Variants in AOPEP observed in about 807,000 individuals in gnomAD.
The protein encoded by AOPEP is aminopeptidase O (putative).
A neutral mutation model predicts 98.1 loss-of-function variants in AOPEP; 77 were observed. The ratio of observed to expected loss-of-function variants is 0.78; its 90% CI spans 0.65 to 0.95. The LOEUF (loss-of-function observed/expected upper bound fraction) is 0.95. Ranked by LOEUF, AOPEP falls within the 40% of genes least tolerant of loss-of-function variation. AOPEP has a pLI of 0.00. For synonymous variants in AOPEP, 346 were observed against 365.3 expected (o/e 0.95, Z 0.60); for missense variants, 1,024 against 1,024.7 (o/e 1.00, Z 0.01).
chr9:95,048,581 A>G lies in AOPEP; in HGVS notation c.2116-12113A>G, dbSNP rs1028904007. ...CCCTCCGGCCGCGGCGGCCGGGACCAGAACAGCGCAGGCTCTCCGCCCACG... is the reference window on the plus strand; with the variant it reads ...CCCTCCGGCCGCGGCGGCCGGGACCGGAACAGCGCAGGCTCTCCGCCCACG... On this transcript the variant is annotated intron_variant, in intron 13 of 16. Transcript: ENST00000375315. Among the ~76,000 whole-genome samples, 29 of 152,220 alleles carry G rather than the reference A, an allele frequency of 1.9e-4. 1 individual carries two copies. In the East Asian group the frequency reaches 2.9e-3, roughly 15 times the overall value.
chr9:94,842,165 C>A (rs1053143245), intron 5 of AOPEP, among the ~76,000 whole-genome samples: 3 of 152,104 alleles, frequency 2.0e-5, no homozygotes, highest in Non-Finnish European at 2.9e-5. Context: ...AGTTCGAGAC[C>A]AGCCTGGTCA....
At chr9:94,905,149 G>T (rs1366959257) in intron 5 of AOPEP, among the ~76,000 whole-genome samples, 1 of 152,162 alleles carries the variant, frequency 6.6e-6, no homozygotes, top group Non-Finnish European at 1.5e-5. Context: ...AAAAGGGATG[G>T]CTTGTGTAGC....
chr9:94,831,085 G>A (rs575315370), intron 5 of AOPEP, among the ~76,000 whole-genome samples: 9 of 152,062 alleles, frequency 5.9e-5, no homozygotes, highest in Non-Finnish European at 1.3e-4. Context: ...TTTTGCTTTT[G>A]TTGCAATTGC....
intron 5 of AOPEP, among the ~76,000 whole-genome samples, chr9:94,831,182 T>C (rs916895400): frequency 2.0e-5 from 3 of 152,234 alleles, no homozygotes; most frequent in African/African-American, 7.2e-5. Context: ...TTTATAGTTT[T>C]GGGTTTTACA....
In AOPEP at chr9:95,073,886, C is replaced by A. The variant is rs1407671559; in HGVS notation, c.2233-6808C>A. ...AAACAAAAAACAAAGAATAAAAATACCAGACTGCATTGCGTGTAGTGAAGG... is the reference window on the plus strand; with the variant it reads ...AAACAAAAAACAAAGAATAAAAATAACAGACTGCATTGCGTGTAGTGAAGG... On this transcript the variant is annotated intron_variant, in intron 14 of 16. Coordinates refer to ENST00000375315, the MANE Select transcript of AOPEP (RefSeq NM_001193329.3). Among the ~76,000 whole-genome samples, 5 of 152,128 alleles carry A rather than the reference C, an allele frequency of 3.3e-5. No homozygotes were observed. The South Asian group carries it at 1.0e-3, about 32-fold the overall frequency.
intron 5 of AOPEP, among the ~76,000 whole-genome samples, chr9:94,828,361 T>C (rs1323525697): frequency 6.6e-6 from 1 of 152,180 alleles, no homozygotes; most frequent in Non-Finnish European, 1.5e-5. Context: ...TTAGCTCTTA[T>C]ATTTAGGTCT....
downstream of AOPEP, among the ~76,000 whole-genome samples, chr9:95,089,977 G>A (rs186800845): frequency 6.6e-6 from 1 of 152,254 alleles, no homozygotes; most frequent in Non-Finnish European, 1.5e-5. Flanking sequence ...TGTCTAGGTA[G>A]AAGCCAAGAA....
In AOPEP at chr9:94,793,504, C is replaced by T. The variant is rs10993347; in HGVS notation, c.1118+586C>T. On this transcript the variant is annotated intron_variant, in intron 4 of 16. Coordinates refer to ENST00000375315, the MANE Select transcript of AOPEP (RefSeq NM_001193329.3). ...CCAGCCTGGCCAACATGGTGAAACC[C>T]CATCTCTACTAAAAATACAGAAATT... Among the ~76,000 whole-genome samples, 114 of 152,038 alleles carry T rather than the reference C, an allele frequency of 7.5e-4. 1 individual carries two copies. In the East Asian group the frequency reaches 0.021, roughly 29 times the overall value.
chr9:95,126,751 G>A, the AOPEP span: 3 of 663,034 alleles, frequency 4.5e-6, no homozygotes, highest in South Asian at 5.1e-5. Context: ...CCACATACAA[G>A]TGCATACGGT....
At chr9:94,865,732 A>G (rs911890594) in intron 5 of AOPEP, among the ~76,000 whole-genome samples, 1 of 152,222 alleles carries the variant, frequency 6.6e-6, no homozygotes, top group African/African-American at 2.4e-5. Context: ...ACAGCTGCAT[A>G]TGTTTAGAGA....
intron 5 of AOPEP, among the ~76,000 whole-genome samples, chr9:94,907,581 T>C (rs140915420): frequency 1.3e-3 from 192 of 152,200 alleles, no homozygotes; most frequent in African/African-American, 4.2e-3. Context: ...CACACATGCA[T>C]GTGTGCACAC....
intron 11 of AOPEP, among the ~76,000 whole-genome samples, chr9:94,982,974 C>T (rs902592540): frequency 6.6e-6 from 1 of 152,106 alleles, no homozygotes; most frequent in Admixed American, 6.5e-5. Context: ...CTTTCTTCTA[C>T]ACTCCTTATT....
Position 94,992,611 on chromosome 9 carries a change from A to G in AOPEP, c.1978-12547A>G, listed in dbSNP as rs191963505. Among the ~76,000 whole-genome samples the G allele has an allele frequency of 6.1e-4, 93 of 152,336 alleles. No individual in the cohort carries two copies. In the East Asian group the frequency reaches 0.013, roughly 21 times the overall value. ...CTATAGTGGATGAAGACGTCAGTGA[A>G]TCCATTAAATACCAGCTTTGGAGTC... On this transcript the variant is annotated intron_variant, in intron 11 of 16. Coordinates refer to ENST00000375315, the MANE Select transcript of AOPEP (RefSeq NM_001193329.3).
chr9:95,002,476 T>G (rs1018984145), intron 11 of AOPEP, among the ~76,000 whole-genome samples: 2 of 152,156 alleles, frequency 1.3e-5, no homozygotes, highest in Non-Finnish European at 2.9e-5. Context: ...AAATTTGACT[T>G]TAGTGAATAA....
At chr9:94,957,347 AC>A (rs2058535572) in intron 9 of AOPEP, among the ~76,000 whole-genome samples, 1 of 152,168 alleles carries the variant, frequency 6.6e-6, no homozygotes, top group Admixed American at 6.5e-5. Context: ...AGCTGGGATT[AC>A]AGGCGCTTGC....
chr9:94,763,348 A>G (rs769763735), intron 2 of AOPEP: 3 of 240,736 alleles, frequency 1.2e-5, no homozygotes, highest in Admixed American at 5.4e-5. Flanking sequence ...TTTAAGTTCC[A>G]TTAGTGGCTT....
chr9:95,137,408 A>C, the AOPEP span, among the ~76,000 whole-genome samples: 1 of 152,100 alleles, frequency 6.6e-6, no homozygotes, highest in Non-Finnish European at 1.5e-5. Context: ...CATTCACCTC[A>C]GAGCCTCCTG....
At chr9:94,901,533 C>T (rs1384992756) in intron 5 of AOPEP, among the ~76,000 whole-genome samples, 1 of 152,072 alleles carries the variant, frequency 6.6e-6, no homozygotes, top group East Asian at 1.9e-4. Context: ...CTCCTCGCTG[C>T]TTCTCAGTAT....
the AOPEP span, chr9:95,125,309 A>G: frequency 5.3e-6 from 4 of 755,960 alleles, no homozygotes; most frequent in African/African-American, 3.5e-5. Context: ...CAGTATCTCA[A>G]CTCATCAGAT....
Sources: allele counts gnomAD v4.1 joint callset (sites outside exome capture counted in the v4.1 genomes callset), GRCh38; gene constraint gnomAD v4.1.1; transcripts MANE v1.5; gene names NCBI Gene and HGNC (gene_info 2026-07-23, HGNC 2026-07-21).